The following PLD1 variants were observed in gnomAD, a reference collection of about 807,000 sequenced individuals.
PLD1 encodes phospholipase D1, also known as choline phosphatase 1.
A neutral mutation model predicts 137.1 loss-of-function variants in PLD1; 112 were observed. The observed-to-expected ratio is 0.82, with a 90% confidence interval of 0.70 to 0.96. PLD1 has a LOEUF of 0.96. Ranked by LOEUF, PLD1 falls within the 40% of genes least tolerant of loss-of-function variation. The probability of loss-of-function intolerance (pLI) is 0.00; values close to 1 mark genes in which losing one functional copy is unlikely to be tolerated. For synonymous variants in PLD1, 431 were observed against 454.7 expected, an observed-to-expected ratio of 0.95 and a Z score of 0.66; for missense variants, 1,321 against 1,342.0, an observed-to-expected ratio of 0.98 and a Z score of 0.24.
chr3:171,618,720 A>ATGTG (rs199668732), intron 24 of PLD1, among the ~76,000 whole-genome samples: 2,749 of 140,712 alleles, frequency 0.02, 36 homozygotes, highest in African/African-American at 0.032. Context: ...AAAAGTGTGT[A>ATGTG]TGTGTGTGTG....
intron 11 of PLD1, among the ~76,000 whole-genome samples, chr3:171,703,344 G>A (rs1257750830): frequency 2.0e-5 from 3 of 151,926 alleles, no homozygotes; most frequent in African/African-American, 7.3e-5. Context: ...AATGCAACAA[G>A]GCAAGAAAAT....
chr3:171,697,977 G>A (rs1443875972), intron 12 of PLD1, among the ~76,000 whole-genome samples: 2 of 152,158 alleles, frequency 1.3e-5, no homozygotes, highest in Non-Finnish European at 2.9e-5. Context: ...CTAAAACAGT[G>A]AGGTGCTGAT....
intron 24 of PLD1, among the ~76,000 whole-genome samples, chr3:171,618,848 A>AGAGTGT (rs1553799852): frequency 3.1e-5 from 4 of 128,596 alleles, no homozygotes; most frequent in Admixed American, 7.3e-5. Context: ...AAATATTAAA[A>AGAGTGT]GTGTGTGTGC....
chr3:171,635,965 CTTTTTTTTTT>C (rs71178231), intron 23 of PLD1, among the ~76,000 whole-genome samples: 2,944 of 49,324 alleles, frequency 0.06, 94 homozygotes, highest in African/African-American at 0.15. Context: ...GGTTCAACTT[CTTTTTTTTTT>C]TTTTTTTTTT....
chr3:171,747,447 C>G (rs1720313512), intron 1 of PLD1, among the ~76,000 whole-genome samples: 1 of 151,596 alleles, frequency 6.6e-6, no homozygotes, highest in Non-Finnish European at 1.5e-5. Flanking sequence ...TTGCCTTCTT[C>G]CCTGCCTCTC....
intron 12 of PLD1, among the ~76,000 whole-genome samples, chr3:171,695,125 G>C (rs759651228): frequency 1.3e-5 from 2 of 152,158 alleles, no homozygotes; most frequent in Non-Finnish European, 2.9e-5. Context: ...AAAGGGCAAA[G>C]GCGAATGAAT....
intron 25 of PLD1, among the ~76,000 whole-genome samples, chr3:171,607,683 C>T (rs1425835144): frequency 6.6e-6 from 1 of 151,994 alleles, no homozygotes; most frequent in Non-Finnish European, 1.5e-5. Flanking sequence ...AGTAGGAAAA[C>T]CACAAAAAAT....
intron 23 of PLD1, among the ~76,000 whole-genome samples, chr3:171,627,565 C>T (rs1267698117): frequency 2.7e-5 from 4 of 149,682 alleles, no homozygotes; most frequent in Admixed American, 6.7e-5. Flanking sequence ...CATTTTTTTT[C>T]AGCATCACAC....
At chr3:171,685,566 T>C (rs148937867) in intron 16 of PLD1, among the ~76,000 whole-genome samples, 9 of 152,306 alleles carry the variant, frequency 5.9e-5, no homozygotes, top group African/African-American at 2.2e-4. Flanking sequence ...TACCAAGCAC[T>C]GCAACTACTC....
At chr3:171,683,989 TTCTCTC>T (rs1369560172) in intron 16 of PLD1, among the ~76,000 whole-genome samples, 1 of 152,164 alleles carries the variant, frequency 6.6e-6, no homozygotes, top group South Asian at 2.1e-4. Flanking sequence ...GTTTAGGTTG[TTCTCTC>T]TCTCTATCTC....
chr3:171,627,192 A>AC, intron 23 of PLD1, among the ~76,000 whole-genome samples: 1 of 152,232 alleles, frequency 6.6e-6, no homozygotes, highest in Non-Finnish European at 1.5e-5. Flanking sequence ...AAACAAAAAA[A>AC]AGGCAGGGGT....
intron 1 of PLD1, among the ~76,000 whole-genome samples, chr3:171,805,826 G>C (rs1364256588): frequency 6.6e-6 from 1 of 152,176 alleles, no homozygotes; most frequent in Non-Finnish European, 1.5e-5. Flanking sequence ...TGGATCCCCA[G>C]CTCTACCATG....
At chr3:171,649,118 T>G (rs1736511439) in intron 21 of PLD1, among the ~76,000 whole-genome samples, 1 of 152,186 alleles carries the variant, frequency 6.6e-6, no homozygotes, top group Admixed American at 6.5e-5. Context: ...ATCTTTTTTT[T>G]TAAGCAAAAA....
intron 1 of PLD1, among the ~76,000 whole-genome samples, chr3:171,754,558 A>G (rs2108296453): frequency 6.6e-6 from 1 of 152,204 alleles, no homozygotes; most frequent in South Asian, 2.1e-4. Flanking sequence ...TCCATAAACT[A>G]TCCTCATCAA....
intron 26 of PLD1, among the ~76,000 whole-genome samples, chr3:171,603,999 G>A (rs1330944221): frequency 1.3e-5 from 2 of 152,098 alleles, no homozygotes; most frequent in Non-Finnish European, 2.9e-5. Context: ...CTATGCACAT[G>A]ACCTATTTGA....
chr3:171,710,505 A>G (rs1260647871), intron 9 of PLD1, among the ~76,000 whole-genome samples: 1 of 152,174 alleles, frequency 6.6e-6, no homozygotes, highest in Non-Finnish European at 1.5e-5. Context: ...TGTGCAATCC[A>G]CAATAGGGTT....
intron 12 of PLD1, 110 bp downstream of exon 12, chr3:171,699,635 C>A: frequency 1.3e-6 from 1 of 757,400 alleles, no homozygotes. Flanking sequence ...TACTTTTTGT[C>A]AAACTCTAAA....
intron 16 of PLD1, among the ~76,000 whole-genome samples, chr3:171,681,723 T>C (rs1713989543): frequency 6.6e-6 from 1 of 152,202 alleles, no homozygotes; most frequent in Non-Finnish European, 1.5e-5. Context: ...TACTAAAATA[T>C]TAGGTTTGTA....
intron 12 of PLD1, among the ~76,000 whole-genome samples, chr3:171,697,250 T>TTTG (rs1560227434): frequency 4.8e-5 from 7 of 146,668 alleles, no homozygotes; most frequent in Non-Finnish European, 9.0e-5. Flanking sequence ...TTTTTTTTTT[T>TTTG]TTTTTTTTTT....
Sources: gnomAD v4.1 joint callset for allele counts (sites outside exome capture counted in the v4.1 genomes callset) on GRCh38, gnomAD v4.1.1 for gene constraint, MANE v1.5 for transcripts, NCBI Gene and HGNC (gene_info 2026-07-23, HGNC 2026-07-21) for gene names.